The following ZDHHC2 variants were observed in gnomAD, a reference collection of about 807,000 sequenced individuals.
ZDHHC2 encodes palmitoyltransferase ZDHHC2.
Under a neutral mutation model 55.6 loss-of-function variants are expected in ZDHHC2, and 51 were observed. The observed-to-expected ratio is 0.92, with a 90% confidence interval of 0.73 to 1.16. The LOEUF (loss-of-function observed/expected upper bound fraction) is 1.16, where lower values mean the gene tolerates loss of function less well. Among genes scored for constraint, ZDHHC2 ranks in the 50% most tolerant of loss-of-function variants. The pLI is 0.00. For synonymous variants in ZDHHC2, 199 were observed against 152.9 expected, an observed-to-expected ratio of 1.30 and a Z score of -2.22; for missense variants, 491 against 442.4, an observed-to-expected ratio of 1.11 and a Z score of -0.99.
In ZDHHC2 at chr8:17,220,267, G is replaced by A. The variant is rs1807862521; in HGVS notation, c.*46G>A. On this transcript the variant is annotated 3_prime_UTR_variant, in exon 13 of 13. Transcript: ENST00000262096. Reference sequence around the variant, plus strand: ...TGTTTCATTTCAAGGTATCAATGCTGTAGATGGATGGAAGAGGCTTCCCAC... The same window carrying A: ...TGTTTCATTTCAAGGTATCAATGCTATAGATGGATGGAAGAGGCTTCCCAC... 6.6e-6 allele frequency: 1 copy of A among 152,176 alleles called. No homozygotes were observed. Among genetic ancestry groups the A allele is most frequent in the African/African-American group, 2.4e-5 (1 of 41,440 alleles). The allele number at this position is 152,176 out of a possible 1,614,324, so 9.4% of individuals were successfully genotyped here.
At chr8:17,188,817 T>A (rs774934257) in intron 3 of ZDHHC2, among the ~76,000 whole-genome samples, 17 of 152,206 alleles carry the variant, frequency 1.1e-4, no homozygotes, top group Non-Finnish European at 2.2e-4. Flanking sequence ...ACTTCTGATT[T>A]CTCATTTAAT....
intron 10 of ZDHHC2, among the ~76,000 whole-genome samples, chr8:17,211,154 T>C (rs1040416306): frequency 6.6e-6 from 1 of 152,228 alleles, no homozygotes; most frequent in African/African-American, 2.4e-5. Context: ...GAAAAGTTAC[T>C]TAAACTTTTA....
At chr8:17,166,429 A>G (rs1489447017) in intron 1 of ZDHHC2, among the ~76,000 whole-genome samples, 1 of 152,192 alleles carries the variant, frequency 6.6e-6, no homozygotes, top group East Asian at 1.9e-4. Context: ...GGGTTGCATT[A>G]GATCTGGAAT....
At chr8:17,192,835 A>G (rs66818728) in intron 3 of ZDHHC2, among the ~76,000 whole-genome samples, 24,339 of 152,204 alleles carry the variant, frequency 0.16, 2,580 homozygotes, top group Admixed American at 0.33. Flanking sequence ...TCTTCTGCAT[A>G]TGGATATCTA....
At chr8:17,190,349 G>T (rs961631082) in intron 3 of ZDHHC2, among the ~76,000 whole-genome samples, 1 of 152,130 alleles carries the variant, frequency 6.6e-6, no homozygotes, top group Non-Finnish European at 1.5e-5. Context: ...AGGGGAACAT[G>T]ATCAAAAGAG....
chr8:17,192,207 G>C (rs532803397), intron 3 of ZDHHC2, among the ~76,000 whole-genome samples: 1 of 152,182 alleles, frequency 6.6e-6, no homozygotes, highest in South Asian at 2.1e-4. Context: ...GCTGGCCTCA[G>C]ACTCCTGGGC....
At chr8:17,170,929 C>G (rs764697470) in intron 1 of ZDHHC2, among the ~76,000 whole-genome samples, 4 of 152,258 alleles carry the variant, frequency 2.6e-5, no homozygotes, top group South Asian at 2.1e-4. Context: ...TGAGGCACTT[C>G]CAATTCTAAA....
At chr8:17,203,226 A>C (rs186510590) in intron 6 of ZDHHC2, among the ~76,000 whole-genome samples, 4 of 151,352 alleles carry the variant, frequency 2.6e-5, no homozygotes, top group African/African-American at 9.7e-5. Flanking sequence ...TGCCAAGATA[A>C]TTTTTGTATT....
intron 7 of ZDHHC2, among the ~76,000 whole-genome samples, chr8:17,206,087 A>G (rs993557508): frequency 2.6e-5 from 4 of 152,212 alleles, no homozygotes; most frequent in East Asian, 1.9e-4. Flanking sequence ...CTCTCATACT[A>G]TAAACAAGTG....
At chr8:17,209,244 A>C (rs1788105943) in intron 8 of ZDHHC2, among the ~76,000 whole-genome samples, 1 of 152,142 alleles carries the variant, frequency 6.6e-6, no homozygotes, top group South Asian at 2.1e-4. Context: ...ATGGTTCTGG[A>C]CTGGATCCCG....
intron 1 of ZDHHC2, among the ~76,000 whole-genome samples, chr8:17,167,384 C>T (rs185843794): frequency 4.8e-5 from 7 of 145,460 alleles, no homozygotes; most frequent in Admixed American, 4.3e-4. Flanking sequence ...TGGCTCACTG[C>T]AACCTCTGCC....
chr8:17,189,321 C>A (rs192606750), intron 3 of ZDHHC2, among the ~76,000 whole-genome samples: 1 of 152,012 alleles, frequency 6.6e-6, no homozygotes, highest in Non-Finnish European at 1.5e-5. Context: ...TGCACCTTAC[C>A]TTCCTGGATT....
chr8:17,200,260 C>T (rs1806684091), intron 6 of ZDHHC2, among the ~76,000 whole-genome samples: 1 of 152,198 alleles, frequency 6.6e-6, no homozygotes, highest in Non-Finnish European at 1.5e-5. Context: ...TAGTTTCGTT[C>T]AGCTCACAAG....
intron 6 of ZDHHC2, among the ~76,000 whole-genome samples, chr8:17,203,797 C>A (rs1298430451): frequency 7.3e-6 from 1 of 136,250 alleles, no homozygotes; most frequent in African/African-American, 2.6e-5. Context: ...CAATTTGTGG[C>A]TTCTTTTTTT....
At position 17,215,311 on chromosome 8, in the gene ZDHHC2, G is replaced by C; in HGVS notation, c.1025G>C (p.Trp342Ser). The change falls in exon 11 of 13, where the codon TGG becomes TCG. Residue 342 changes from tryptophan to serine, a missense_variant. Coordinates refer to ENST00000262096, the MANE Select transcript of ZDHHC2 (RefSeq NM_016353.5). ...QSHLLTDSQS[W>S]TESSINPGKC... ...CACCTTCTTACTGATTCTCAGTCTT[G>C]GACGGAGAGCAGCATAAACCCAGGA... 1 of 1,595,766 alleles carries C rather than the reference G, an allele frequency of 6.3e-7. No homozygotes were observed.
intron 1 of ZDHHC2, among the ~76,000 whole-genome samples, chr8:17,161,942 T>A (rs767088044): frequency 4.6e-5 from 7 of 152,238 alleles, no homozygotes; most frequent in African/African-American, 7.2e-5. Flanking sequence ...TTCTTGATAT[T>A]GTTGAATATT....
chr8:17,198,162 A>G (rs756358540), intron 5 of ZDHHC2, among the ~76,000 whole-genome samples: 46 of 152,288 alleles, frequency 3.0e-4, no homozygotes, highest in African/African-American at 1.1e-3. Flanking sequence ...CATCTTAAGC[A>G]TGTATATTTT....
At position 17,170,785 on chromosome 8, in the gene ZDHHC2, T is replaced by A. The variant is rs536245395; in HGVS notation, c.130+13932T>A. Among the ~76,000 whole-genome samples, 6 of 152,356 alleles carry A rather than the reference T, an allele frequency of 3.9e-5. No homozygotes were observed. In the South Asian group the frequency reaches 1.2e-3, roughly 32 times the overall value. On this transcript the variant is annotated intron_variant, in intron 1 of 12. Coordinates refer to ENST00000262096, the MANE Select transcript of ZDHHC2 (RefSeq NM_016353.5). ...TAAAAAATACTCTACAAAAATTGTT[T>A]CAACTTGATTGTATATATTTTTTAA... is the stretch of plus-strand genomic sequence containing the variant.
At chr8:17,213,699 CATT>C (rs1807498123) in intron 10 of ZDHHC2, among the ~76,000 whole-genome samples, 1 of 152,132 alleles carries the variant, frequency 6.6e-6, no homozygotes, top group Non-Finnish European at 1.5e-5. Flanking sequence ...GCTCAATAAA[CATT>C]GTTCAGTGAA....
Sources: allele counts gnomAD v4.1 joint callset (sites outside exome capture counted in the v4.1 genomes callset), GRCh38; gene constraint gnomAD v4.1.1; transcripts MANE v1.5; gene names NCBI Gene and HGNC (gene_info 2026-07-23, HGNC 2026-07-21).